Variants in KCNB2 observed in about 807,000 individuals in gnomAD.
KCNB2 encodes the protein potassium voltage-gated channel subfamily B member 2, also known as delayed rectifier potassium channel protein.
In KCNB2, 15 loss-of-function variants were observed where a neutral mutation model predicts 61.5. That is an observed-to-expected ratio of 0.24 (90% confidence interval 0.16 to 0.38). The LOEUF (loss-of-function observed/expected upper bound fraction) is 0.38, where lower values mean the gene tolerates loss of function less well. Ranked by LOEUF, KCNB2 falls within the 10% of genes least tolerant of loss-of-function variation. KCNB2 has a pLI of 1.00. For missense variants in KCNB2, 828 were observed against 1,125.2 expected (o/e 0.74, Z 3.78); for synonymous variants, 457 against 446.0 (o/e 1.02, Z -0.31).
At chr8:72,832,678 C>T (rs548380098) in intron 2 of KCNB2, among the ~76,000 whole-genome samples, 6 of 152,268 alleles carry the variant, frequency 3.9e-5, no homozygotes, top group African/African-American at 1.4e-4. Context: ...TGGCAGAAGA[C>T]GGAGCCCCTG....
Position 72,920,453 on chromosome 8 carries a change from C to A in KCNB2, c.580-15482C>A, listed in dbSNP as rs1198596806. On this transcript the variant is annotated intron_variant, in intron 2 of 2. Transcript: ENST00000523207. ...CCCCCTCTCCACTATATCTATCTATCTATCTATCTATCTATCTATCTATAT... is the reference window on the plus strand; with the variant it reads ...CCCCCTCTCCACTATATCTATCTATATATCTATCTATCTATCTATCTATAT... 5.1e-4 allele frequency among the ~76,000 whole-genome samples: 22 copies of A among 43,106 alleles called. 1 individual carries two copies. Among genetic ancestry groups the A allele is most frequent in the South Asian group, 1.3e-3 (2 of 1,492 alleles). 28.3% of individuals were successfully genotyped at this position (43,106 alleles called of 152,430 possible).
At chr8:72,836,226 A>G (rs1809780101) in intron 2 of KCNB2, among the ~76,000 whole-genome samples, 1 of 152,214 alleles carries the variant, frequency 6.6e-6, no homozygotes, top group African/African-American at 2.4e-5. Flanking sequence ...CATCACAGCT[A>G]TAACTTTGGT....
intron 2 of KCNB2, among the ~76,000 whole-genome samples, chr8:72,624,728 A>G (rs190422506): frequency 1.1e-4 from 16 of 152,274 alleles, no homozygotes; most frequent in African/African-American, 3.4e-4. Context: ...CTGGTGTTCA[A>G]ATGTGGATGG....
intron 2 of KCNB2, among the ~76,000 whole-genome samples, chr8:72,906,499 T>G (rs1444754477): frequency 1.3e-5 from 2 of 152,192 alleles, no homozygotes; most frequent in Non-Finnish European, 2.9e-5. Flanking sequence ...AAAAATAGTT[T>G]AAAAGATACT....
intron 2 of KCNB2, among the ~76,000 whole-genome samples, chr8:72,898,629 T>C (rs1385957435): frequency 6.6e-6 from 1 of 152,108 alleles, no homozygotes; most frequent in Admixed American, 6.6e-5. Context: ...TTTCCAACTT[T>C]GTTGAGCTTC....
At chr8:72,819,272 G>A (rs1172982672) in intron 2 of KCNB2, among the ~76,000 whole-genome samples, 3 of 151,124 alleles carry the variant, frequency 2.0e-5, no homozygotes, top group Non-Finnish European at 4.4e-5. Flanking sequence ...CCACTTCATG[G>A]CAGCAACCGG....
intron 2 of KCNB2, among the ~76,000 whole-genome samples, chr8:72,836,913 ATAAC>A (rs1237149502): frequency 2.6e-5 from 4 of 152,226 alleles, no homozygotes; most frequent in Non-Finnish European, 5.9e-5. Flanking sequence ...TTGTCTCAAA[ATAAC>A]AAACAAACAA....
At chr8:72,643,639 C>T (rs1806087346) in intron 2 of KCNB2, among the ~76,000 whole-genome samples, 1 of 152,098 alleles carries the variant, frequency 6.6e-6, no homozygotes, top group Admixed American at 6.6e-5. Flanking sequence ...GCTTGTATCA[C>T]TTTTTATCAT....
At chr8:72,850,696 A>G (rs1426106334) in intron 2 of KCNB2, among the ~76,000 whole-genome samples, 1 of 152,226 alleles carries the variant, frequency 6.6e-6, no homozygotes, top group African/African-American at 2.4e-5. Flanking sequence ...TAGTGTGTAG[A>G]ATACCAGAAA....
intron 2 of KCNB2, among the ~76,000 whole-genome samples, chr8:72,688,409 G>T (rs1007592048): frequency 1.3e-5 from 2 of 151,916 alleles, no homozygotes; most frequent in Non-Finnish European, 2.9e-5. Context: ...TATTCTTCTT[G>T]GGCTATCATC....
intron 2 of KCNB2, among the ~76,000 whole-genome samples, chr8:72,640,529 A>G (rs1806037806): frequency 6.6e-6 from 1 of 152,086 alleles, no homozygotes; most frequent in Admixed American, 6.6e-5. Flanking sequence ...CTTTCAGTGG[A>G]TATCTGTAGT....
At chr8:72,730,188 G>A (rs1361566336) in intron 2 of KCNB2, among the ~76,000 whole-genome samples, 1 of 152,138 alleles carries the variant, frequency 6.6e-6, no homozygotes, top group Non-Finnish European at 1.5e-5. Flanking sequence ...CTAGAGGGTG[G>A]GGGAGGAGTT....
At chr8:72,592,026 G>C (rs555716394) in intron 2 of KCNB2, among the ~76,000 whole-genome samples, 157 of 152,170 alleles carry the variant, frequency 1.0e-3, no homozygotes, top group African/African-American at 3.6e-3. Flanking sequence ...TTTTGGCTTA[G>C]GAGATTCACA....
chr8:72,689,504 G>A (rs1933016022), intron 2 of KCNB2, among the ~76,000 whole-genome samples: 1 of 152,082 alleles, frequency 6.6e-6, no homozygotes, highest in African/African-American at 2.4e-5. Context: ...CTAATTTTAG[G>A]ACATTTTCAT....
intron 2 of KCNB2, among the ~76,000 whole-genome samples, chr8:72,844,809 T>C (rs920304331): frequency 1.3e-5 from 2 of 152,254 alleles, no homozygotes; most frequent in East Asian, 3.8e-4. Context: ...TGTTCTTCTC[T>C]AAACTGGTTA....
At chr8:72,737,633 C>T (rs1807869912) in intron 2 of KCNB2, among the ~76,000 whole-genome samples, 1 of 152,100 alleles carries the variant, frequency 6.6e-6, no homozygotes, top group Non-Finnish European at 1.5e-5. Flanking sequence ...CAAATTGAGT[C>T]CTCTGCGGTA....
At chr8:72,802,700 T>A (rs1321555020) in intron 2 of KCNB2, among the ~76,000 whole-genome samples, 2 of 152,192 alleles carry the variant, frequency 1.3e-5, no homozygotes, top group African/African-American at 2.4e-5. Context: ...ATTCATCATC[T>A]TAGGGAGCCA....
intron 2 of KCNB2, among the ~76,000 whole-genome samples, chr8:72,604,563 A>G (rs1346029734): frequency 6.6e-6 from 1 of 152,224 alleles, no homozygotes; most frequent in East Asian, 1.9e-4. Flanking sequence ...TGTATCTGAC[A>G]CATAGTAGGT....
At chr8:72,753,416 C>A (rs1217307718) in intron 2 of KCNB2, among the ~76,000 whole-genome samples, 4 of 152,108 alleles carry the variant, frequency 2.6e-5, no homozygotes, top group Non-Finnish European at 5.9e-5. Flanking sequence ...GTGAATCAGG[C>A]AAGCGCAGTG....
Sources: allele counts gnomAD v4.1 joint callset (sites outside exome capture counted in the v4.1 genomes callset), GRCh38; gene constraint gnomAD v4.1.1; transcripts MANE v1.5; gene names NCBI Gene and HGNC (gene_info 2026-07-23, HGNC 2026-07-21).